The following SLCO6A1 variants were observed in gnomAD, a reference collection of about 807,000 sequenced individuals.
SLCO6A1 encodes solute carrier organic anion transporter family member 6A1.
In SLCO6A1, 65 loss-of-function variants were observed where a neutral mutation model predicts 72.7. That is an observed-to-expected ratio of 0.89 (90% CI 0.73 to 1.10). SLCO6A1 has a LOEUF of 1.10. Among genes scored for constraint, SLCO6A1 ranks in the 50% least tolerant of loss-of-function variants. The pLI is 0.00. For missense variants in SLCO6A1, 874 were observed against 872.6 expected, an observed-to-expected ratio of 1.00 and a Z score of -0.02; for synonymous variants, 314 against 298.2, an observed-to-expected ratio of 1.05 and a Z score of -0.55.
chr5:102,477,310 G>A lies in SLCO6A1; in HGVS notation c.802+366C>T, dbSNP rs189085824. 8.3e-3 allele frequency among the ~76,000 whole-genome samples: 1,255 copies of A among 152,096 alleles called. 12 individuals carry two copies. The highest frequency in any genetic ancestry group is 0.015 in the Non-Finnish European group (1,006 of 67,976). The stretch of plus-strand genomic sequence containing the variant: ...CTAATTTTTTTGTATTTTTAGTAAA[G>A]ACAGGGTTTCACTATGTTGGCCAGG... On this transcript the variant is annotated intron_variant, in intron 3 of 13. Transcript: ENST00000506729.
At chr5:102,419,704 T>C (rs748363485) in intron 8 of SLCO6A1, 122 bp downstream of exon 8, 41 of 768,550 alleles carry the variant, frequency 5.3e-5, no homozygotes, top group Non-Finnish European at 7.5e-5. Flanking sequence ...TTCTTTTATG[T>C]GTTTGATAAT....
At chr5:102,496,115 G>A (rs765989022) in intron 1 of SLCO6A1, among the ~76,000 whole-genome samples, 21 of 152,212 alleles carry the variant, frequency 1.4e-4, no homozygotes, top group Non-Finnish European at 2.9e-4. Flanking sequence ...CGATGGTTAT[G>A]TAAGAGAGTG....
In SLCO6A1 at chr5:102,426,867, C is replaced by A. The variant is rs373571110; in HGVS notation, c.1277-6846G>T. Among the ~76,000 whole-genome samples the A allele has an allele frequency of 5.9e-5, 9 of 151,424 alleles. No individual in the cohort carries two copies. In the East Asian group the frequency reaches 1.6e-3, roughly 26 times the overall value. On this transcript the variant is annotated intron_variant, in intron 7 of 13. Transcript: ENST00000506729. ...ACAATAGCAAAGGCTTGGAAGCAAC[C>A]CAAATGCCCATTCATGATAGACGGG...
intron 12 of SLCO6A1, among the ~76,000 whole-genome samples, chr5:102,378,840 G>T (rs952359799): frequency 6.6e-6 from 1 of 152,032 alleles, no homozygotes; most frequent in Non-Finnish European, 1.5e-5. Context: ...GGAGTGCAGT[G>T]GCATGACCTT....
chr5:102,384,722 A>G (rs561627279), intron 12 of SLCO6A1, among the ~76,000 whole-genome samples: 16 of 152,250 alleles, frequency 1.1e-4, no homozygotes, highest in South Asian at 1.0e-3. Flanking sequence ...TAGTACATTT[A>G]AAAATGATTT....
intron 6 of SLCO6A1, among the ~76,000 whole-genome samples, chr5:102,448,264 A>T (rs1750225460): frequency 6.6e-6 from 1 of 152,126 alleles, no homozygotes; most frequent in Non-Finnish European, 1.5e-5. Context: ...TTTTATTTGA[A>T]TTTGTTAAGA....
intron 1 of SLCO6A1, among the ~76,000 whole-genome samples, chr5:102,492,669 A>G (rs1358407380): frequency 6.6e-6 from 1 of 152,120 alleles, no homozygotes; most frequent in Non-Finnish European, 1.5e-5. Context: ...GCACCTGGAA[A>G]ATCAGGTCAC....
chr5:102,473,038 C>G (rs568842301), intron 4 of SLCO6A1, among the ~76,000 whole-genome samples: 16 of 151,982 alleles, frequency 1.1e-4, no homozygotes, highest in African/African-American at 2.2e-4. Flanking sequence ...ACTGGAGAAC[C>G]GTACCAAATA....
At chr5:102,478,003 G>A (rs1580502973) in intron 2 of SLCO6A1, 142 bp from the exon 3 acceptor site, 3 of 775,492 alleles carry the variant, frequency 3.9e-6, no homozygotes, top group Non-Finnish European at 6.1e-6. Context: ...TACATTGAAT[G>A]TAGTAGTACT....
At chr5:102,436,449 C>G (rs1182222120) in intron 7 of SLCO6A1, among the ~76,000 whole-genome samples, 1 of 152,164 alleles carries the variant, frequency 6.6e-6, no homozygotes, top group East Asian at 1.9e-4. Context: ...AAAAAAATGT[C>G]TCATTTCCCT....
intron 6 of SLCO6A1, 44 bp downstream of exon 6, chr5:102,458,337 CA>C: frequency 1.5e-6 from 2 of 1,369,928 alleles, no homozygotes; most frequent in East Asian, 4.6e-5. Context: ...GAAAATTAAA[CA>C]GGTCAACTTA....
At chr5:102,374,414 C>T (rs921719244) in intron 12 of SLCO6A1, among the ~76,000 whole-genome samples, 1 of 152,264 alleles carries the variant, frequency 6.6e-6, no homozygotes, top group Admixed American at 6.5e-5. Context: ...GATTCTCTGG[C>T]CTCAGCCTCC....
At chr5:102,414,312 A>G (rs1356806931) in intron 8 of SLCO6A1, among the ~76,000 whole-genome samples, 1 of 152,166 alleles carries the variant, frequency 6.6e-6, no homozygotes, top group Non-Finnish European at 1.5e-5. Context: ...ATTTCTTAAA[A>G]TTATTGGAGC....
chr5:102,498,558 C>T lies in SLCO6A1; in HGVS notation c.287G>A (p.Ser96Asn). ...GTTATTGCAACACTCACAGCAGGTGCTGACTAAGCAGCCCAAACCACAGGG... is the reference window on the plus strand; with the variant it reads ...GTTATTGCAACACTCACAGCAGGTGTTGACTAAGCAGCCCAAACCACAGGG... ...EQPCGLGCLV[S>N]TCCECCNNIR... The change falls in exon 1 of 14, where the codon AGC (serine) becomes AAC (asparagine). Residue 96 changes from serine (S) to asparagine (N), a missense_variant. Physicochemically the swap from Ser to Asn is conservative, Grantham distance 46 (BLOSUM62 1). Coordinates refer to ENST00000506729, the MANE Select transcript of SLCO6A1 (RefSeq NM_173488.5). 6.2e-7 allele frequency: 1 copy of T among 1,614,244 alleles called. No individual in the cohort carries two copies. The highest frequency in any genetic ancestry group is 8.5e-7 in the Non-Finnish European group (1 of 1,180,036).
intron 1 of SLCO6A1, among the ~76,000 whole-genome samples, chr5:102,492,124 C>T (rs562331608): frequency 7.2e-4 from 110 of 152,300 alleles, no homozygotes; most frequent in Non-Finnish European, 1.3e-3. Flanking sequence ...AGTCTGCCCC[C>T]GTGATCCAAT....
chr5:102,447,930 G>A (rs1750205682), intron 6 of SLCO6A1, among the ~76,000 whole-genome samples: 1 of 151,880 alleles, frequency 6.6e-6, no homozygotes, highest in Admixed American at 6.6e-5. Context: ...GAGTTGGTTT[G>A]CTCTTGTTTT....
rs202014515 is a variant in SLCO6A1, at chr5:102,419,809, T to C, written c.1472+17A>G. The C allele has an allele frequency of 3.4e-4, 539 of 1,570,226 alleles. 2 individuals are homozygous for C. The African/African-American group carries it at 6.8e-3, about 20-fold the overall frequency. On this transcript the variant is annotated intron_variant, in intron 8 of 13. Transcript: ENST00000506729. ...AGGATTTTGATGTAAAAGTCTAATA[T>C]ACAAGACTACATTTACCCATCATAA...
At chr5:102,415,250 T>C (rs573570053) in intron 8 of SLCO6A1, among the ~76,000 whole-genome samples, 35 of 152,206 alleles carry the variant, frequency 2.3e-4, no homozygotes, top group African/African-American at 7.9e-4. Flanking sequence ...AAATAGCAAA[T>C]GTAATTCTAA....
At chr5:102,398,937 T>C (rs1051965619) in intron 10 of SLCO6A1, among the ~76,000 whole-genome samples, 4 of 152,100 alleles carry the variant, frequency 2.6e-5, no homozygotes, top group African/African-American at 9.7e-5. Flanking sequence ...CTTTGTTTCC[T>C]GGTCAGCCTA....
Sources: gnomAD v4.1 joint callset for allele counts (sites outside exome capture counted in the v4.1 genomes callset) on GRCh38, gnomAD v4.1.1 for gene constraint, MANE v1.5 for transcripts, NCBI Gene and HGNC (gene_info 2026-07-23, HGNC 2026-07-21) for gene names.